The following PPP1CB variants were observed in gnomAD, a reference collection of about 807,000 sequenced individuals.
The protein encoded by PPP1CB is serine/threonine-protein phosphatase PP1-beta catalytic subunit.
Under a neutral mutation model 43.7 loss-of-function variants are expected in PPP1CB, and 2 were observed. The observed-to-expected ratio is 0.05, with a 90% CI of 0.02 to 0.14. The LOEUF (loss-of-function observed/expected upper bound fraction) is 0.14, where lower values mean the gene tolerates loss of function less well. Among genes scored for constraint, PPP1CB ranks in the 10% least tolerant of loss-of-function variants. PPP1CB has a pLI of 1.00. For missense variants in PPP1CB, 84 were observed against 398.0 expected (o/e 0.21, Z 6.71); for synonymous variants, 136 against 135.6 (o/e 1.00, Z -0.02).
chr2:28,790,318 G>A (rs1294961277), intron 6 of PPP1CB, among the ~76,000 whole-genome samples: 1 of 152,006 alleles, frequency 6.6e-6, no homozygotes, highest in East Asian at 1.9e-4. Flanking sequence ...CTTGGTAATA[G>A]GTATGAATTA....
chr2:28,780,034 A>G (rs147703637), intron 3 of PPP1CB, among the ~76,000 whole-genome samples: 2,679 of 151,642 alleles, frequency 0.018, 40 homozygotes, highest in Non-Finnish European at 0.028. Context: ...CAGGCTTCCA[A>G]TGCTTAATGA....
At chr2:28,794,292 G>T (rs777531844) in intron 7 of PPP1CB, among the ~76,000 whole-genome samples, 40 of 152,204 alleles carry the variant, frequency 2.6e-4, no homozygotes, top group Non-Finnish European at 5.1e-4. Context: ...CTTACTAAAA[G>T]AATGTGAATG....
chr2:28,782,305 G>A (rs1018809389), intron 4 of PPP1CB, among the ~76,000 whole-genome samples: 3 of 152,124 alleles, frequency 2.0e-5, no homozygotes, highest in Admixed American at 1.3e-4. Flanking sequence ...AGGTTACTCT[G>A]TATGGCTTAT....
chr2:28,768,283 G>A (rs186308727), intron 1 of PPP1CB, among the ~76,000 whole-genome samples: 6 of 152,154 alleles, frequency 3.9e-5, no homozygotes, highest in Admixed American at 3.9e-4. Flanking sequence ...AAAAAGTGAC[G>A]GTCTCACTGG....
At chr2:28,781,261 A>G (rs1332007680) in intron 3 of PPP1CB, among the ~76,000 whole-genome samples, 1 of 152,118 alleles carries the variant, frequency 6.6e-6, no homozygotes, top group African/African-American at 2.4e-5. Context: ...GTACAACATG[A>G]TGTTTTGAAG....
intron 3 of PPP1CB, among the ~76,000 whole-genome samples, chr2:28,780,098 T>C (rs1398962844): frequency 7.5e-6 from 1 of 134,194 alleles, no homozygotes; most frequent in Non-Finnish European, 1.6e-5. Flanking sequence ...TTTTTTTTTT[T>C]TTTTTTTGAG....
intron 1 of PPP1CB, among the ~76,000 whole-genome samples, chr2:28,759,595 C>T (rs1398193791): frequency 7.1e-6 from 1 of 141,734 alleles, no homozygotes; most frequent in Non-Finnish European, 1.5e-5. Flanking sequence ...TGGTAATAAA[C>T]AGCTATGTTA....
chr2:28,778,484 A>G (rs1302707481), intron 2 of PPP1CB: 2 of 487,664 alleles, frequency 4.1e-6, no homozygotes, highest in East Asian at 6.2e-5. Flanking sequence ...CTGATGGACT[A>G]AGAGCCTCAG....
Position 28,757,571 on chromosome 2 carries a change from G to A in PPP1CB, c.52+5395G>A, listed in dbSNP as rs575377755. On this transcript the variant is annotated intron_variant, in intron 1 of 7. Coordinates refer to ENST00000395366, the MANE Select transcript of PPP1CB (RefSeq NM_002709.3). ...CGACAACCTCCACTTCTGTAGGGAA[G>A]GTGTTTTGTGTGGATGTGCAGCTAG... Among the ~76,000 whole-genome samples, 20 of 152,296 alleles carry A rather than the reference G, an allele frequency of 1.3e-4. No homozygotes were observed. In the South Asian group the frequency reaches 3.9e-3, roughly 30 times the overall value.
chr2:28,756,564 G>A (rs1387840630), intron 1 of PPP1CB, among the ~76,000 whole-genome samples: 1 of 152,168 alleles, frequency 6.6e-6, no homozygotes, highest in African/African-American at 2.4e-5. Context: ...GCTCACTGCA[G>A]CCTCGACTTC....
In PPP1CB at chr2:28,776,913, A is replaced by G; in HGVS notation, c.115A>G (p.Ile39Val). ...TGAAGCAGAAGTTCGAGGCTTATGT[A>G]TCAAGTCTCGGGAGATCTTTCTCAG... ...MTEAEVRGLCIKSREIFLSQP... is the reference protein window; with the variant it reads ...MTEAEVRGLCVKSREIFLSQP... Residue 39 changes from isoleucine (I) to valine (V), a missense_variant, in exon 2 of 8, where the codon ATC (isoleucine) becomes GTC (valine). Physicochemically the swap from Ile to Val is conservative, Grantham distance 29 (BLOSUM62 3). This residue lies in a region of PPP1CB where 28 missense variants were observed against 234.2 expected (regional missense o/e 0.12). Coordinates refer to ENST00000395366, the MANE Select transcript of PPP1CB (RefSeq NM_002709.3). The G allele has an allele frequency of 6.2e-7, 1 of 1,613,802 alleles. No individual in the cohort carries two copies. The highest frequency in any genetic ancestry group is 8.5e-7 in the Non-Finnish European group (1 of 1,179,702).
chr2:28,761,563 C>T (rs1209516287), intron 1 of PPP1CB, among the ~76,000 whole-genome samples: 1 of 152,198 alleles, frequency 6.6e-6, no homozygotes, highest in Non-Finnish European at 1.5e-5. Flanking sequence ...TAACAGAGAG[C>T]TCTTTGTGCC....
At chr2:28,790,867 T>C (rs1667370019) in intron 6 of PPP1CB, among the ~76,000 whole-genome samples, 1 of 152,202 alleles carries the variant, frequency 6.6e-6, no homozygotes, top group Non-Finnish European at 1.5e-5. Context: ...TTAATTCAAG[T>C]CGTCTTTATC....
chr2:28,756,395 A>T (rs1169200969), intron 1 of PPP1CB, among the ~76,000 whole-genome samples: 1 of 152,198 alleles, frequency 6.6e-6, no homozygotes, highest in Non-Finnish European at 1.5e-5. Context: ...GACCTGTCAG[A>T]TGTCTGAATT....
At chr2:28,767,029 C>T (rs1024127623) in intron 1 of PPP1CB, among the ~76,000 whole-genome samples, 2 of 150,586 alleles carry the variant, frequency 1.3e-5, no homozygotes, top group East Asian at 2.0e-4. Context: ...TGCAGTGAGC[C>T]GAGATCACAC....
Position 28,792,294 on chromosome 2 carries a change from C to T in PPP1CB, c.745-1569C>T, listed in dbSNP as rs529393181. Among the ~76,000 whole-genome samples the T allele has an allele frequency of 3.5e-3, 539 of 151,902 alleles. 3 individuals are homozygous for T. Among genetic ancestry groups the T allele is most frequent in the African/African-American group, 0.012 (494 of 41,410 alleles). On this transcript the variant is annotated intron_variant, in intron 6 of 7. Coordinates refer to ENST00000395366, the MANE Select transcript of PPP1CB (RefSeq NM_002709.3). ...GGCAGAGGTTGCCGTGAGCCGAGATCGCGCCGTTGCACTCCAGCCTGGGCA... is the reference window on the plus strand; with the variant it reads ...GGCAGAGGTTGCCGTGAGCCGAGATTGCGCCGTTGCACTCCAGCCTGGGCA...
chr2:28,792,731 A>G (rs1050540794), intron 6 of PPP1CB, among the ~76,000 whole-genome samples: 3 of 152,240 alleles, frequency 2.0e-5, no homozygotes, highest in Non-Finnish European at 2.9e-5. Flanking sequence ...TTGCTTTTTT[A>G]TATTAGCAAG....
chr2:28,774,715 C>T (rs963100813), intron 1 of PPP1CB, among the ~76,000 whole-genome samples: 10 of 152,102 alleles, frequency 6.6e-5, no homozygotes, highest in African/African-American at 1.9e-4. Context: ...CATGAGCCAC[C>T]GCACCTGGTC....
chr2:28,751,834 A>G lies in PPP1CB; in HGVS notation c.-291A>G, dbSNP rs778754241. 9 of 497,544 alleles carry G rather than the reference A, an allele frequency of 1.8e-5. No homozygotes were observed. Among genetic ancestry groups the G allele is most frequent in the African/African-American group, 6.0e-5 (3 of 49,974 alleles). 30.8% of individuals were successfully genotyped at this position (497,544 alleles called of 1,614,324 possible). A position where few individuals can be genotyped will look rare whatever the true frequency, so the allele number is the denominator to read the frequency against. On this transcript the variant is annotated 5_prime_UTR_variant, in exon 1 of 8. Coordinates refer to ENST00000395366, the MANE Select transcript of PPP1CB (RefSeq NM_002709.3). Reference sequence around the variant, plus strand: ...TCGGCGGCGCTGGTGAGCTTTGCGGAGCTGGGCGGTGCCGAGGAGGAGGAG... The same window carrying G: ...TCGGCGGCGCTGGTGAGCTTTGCGGGGCTGGGCGGTGCCGAGGAGGAGGAG...
Sources: allele counts gnomAD v4.1 joint callset (sites outside exome capture counted in the v4.1 genomes callset), GRCh38; gene constraint gnomAD v4.1.1; regional missense constraint gnomAD v4.1.1; transcripts MANE v1.5; gene names NCBI Gene and HGNC (gene_info 2026-07-23, HGNC 2026-07-21).